SANBR: variants seen among roughly 807,000 people sequenced by gnomAD.
SANBR encodes the protein SANT and BTB domain regulator of class switch recombination.
SANBR carries 77 observed loss-of-function variants against 101.8 expected under a neutral mutation model. The ratio of observed to expected loss-of-function variants is 0.76; its 90% CI spans 0.63 to 0.91. The LOEUF (loss-of-function observed/expected upper bound fraction) is 0.91, where lower values mean the gene tolerates loss of function less well. Among genes scored for constraint, SANBR ranks in the 40% least tolerant of loss-of-function variants. The pLI is 0.00. For synonymous variants in SANBR, 279 were observed against 274.7 expected (o/e 1.02, Z -0.15); for missense variants, 875 against 853.0 (o/e 1.03, Z -0.32).
chr2:61,076,418 C>A (rs977496170), intron 5 of SANBR, among the ~76,000 whole-genome samples: 1 of 147,892 alleles, frequency 6.8e-6, no homozygotes, highest in Non-Finnish European at 1.5e-5. Flanking sequence ...AAGATTGAGA[C>A]CATCCTGGCT....
intron 6 of SANBR, among the ~76,000 whole-genome samples, chr2:61,078,510 C>T (rs1476770185): frequency 6.6e-6 from 1 of 152,034 alleles, no homozygotes; most frequent in Non-Finnish European, 1.5e-5. Flanking sequence ...CAACCTCTGC[C>T]TCCCGGGTTC....
chr2:61,113,849 C>T (rs572501665), intron 16 of SANBR, among the ~76,000 whole-genome samples: 16 of 152,272 alleles, frequency 1.1e-4, no homozygotes, highest in South Asian at 4.1e-4. Context: ...AGTCTTTAAT[C>T]GTTAAGTATG....
At position 61,122,839 on chromosome 2, in the gene SANBR, T is replaced by A; in HGVS notation, c.*677T>A. The A allele has an allele frequency of 1.0e-6, 1 of 985,368 alleles. No homozygotes were observed. The highest frequency in any genetic ancestry group is 1.2e-6 in the Non-Finnish European group (1 of 829,728). 61.0% of individuals were successfully genotyped at this position (985,368 alleles called of 1,614,324 possible). ...GATCATCTGAGCTGGAATTACTGATTATTACTCTGTCCTCTGTGAAACTAG... is the reference window on the plus strand; with the variant it reads ...GATCATCTGAGCTGGAATTACTGATAATTACTCTGTCCTCTGTGAAACTAG... On this transcript the variant is annotated 3_prime_UTR_variant, in exon 22 of 22. Coordinates refer to ENST00000402291, the MANE Select transcript of SANBR (RefSeq NM_001129993.3).
At chr2:61,093,218 T>G (rs1036990924) in intron 11 of SANBR, 2 of 152,254 alleles carry the variant, frequency 1.3e-5, no homozygotes, top group African/African-American at 4.8e-5. Context: ...GCATCTGGTT[T>G]CATTTCTCTT....
intron 21 of SANBR, among the ~76,000 whole-genome samples, chr2:61,137,019 G>A (rs2049747): frequency 0.36 from 54,912 of 151,202 alleles, 10,267 homozygotes; most frequent in Non-Finnish European, 0.42. Flanking sequence ...TAATAATGAG[G>A]CTCACACCTG....
chr2:61,096,540 A>T (rs1573627819), intron 11 of SANBR, among the ~76,000 whole-genome samples: 1 of 152,260 alleles, frequency 6.6e-6, no homozygotes, highest in East Asian at 1.9e-4. Context: ...ACCTGTGTCC[A>T]CTGAAACTCC....
At chr2:61,120,127 A>C (rs917608737) in intron 20 of SANBR, among the ~76,000 whole-genome samples, 1 of 152,260 alleles carries the variant, frequency 6.6e-6, no homozygotes, top group African/African-American at 2.4e-5. Flanking sequence ...TTTTTATAAT[A>C]GCTTTATTCA....
rs1683664981 is a variant in SANBR, at chr2:61,108,199, G to T, written c.1612-118G>T. 1.1e-5 allele frequency: 6 copies of T among 532,516 alleles called. No individual in the cohort carries two copies. In the East Asian group the frequency reaches 2.0e-4, roughly 17 times the overall value. The allele number at this position is 532,516 out of a possible 1,614,324, so 33.0% of individuals were successfully genotyped here. A position where few individuals can be genotyped will look rare whatever the true frequency, so the allele number is the denominator to read the frequency against. On this transcript the variant is annotated intron_variant, in intron 14 of 21. Transcript: ENST00000402291. Reference sequence around the variant, plus strand: ...AGCCTGAGTTTTAAATTATGTTTCAGCCTGGAAGGGAACTATATTTGTAAC... The same window carrying T: ...AGCCTGAGTTTTAAATTATGTTTCATCCTGGAAGGGAACTATATTTGTAAC...
At chr2:61,101,278 T>C (rs1308583970) in intron 12 of SANBR, among the ~76,000 whole-genome samples, 3 of 152,238 alleles carry the variant, frequency 2.0e-5, no homozygotes, top group Admixed American at 6.5e-5. Context: ...ACATGATTTT[T>C]TAGTCTTTAC....
At chr2:61,074,260 T>G (rs1046822854) in intron 5 of SANBR, among the ~76,000 whole-genome samples, 3 of 152,266 alleles carry the variant, frequency 2.0e-5, no homozygotes, top group Non-Finnish European at 4.4e-5. Flanking sequence ...ATGATTGTGC[T>G]GATTGCACAA....
chr2:61,072,628 G>T (rs1202574609), intron 4 of SANBR, among the ~76,000 whole-genome samples: 1 of 151,142 alleles, frequency 6.6e-6, no homozygotes. Context: ...TAAAATATAG[G>T]TCAAATACAA....
intron 13 of SANBR, among the ~76,000 whole-genome samples, chr2:61,105,730 G>T (rs1219568409): frequency 6.6e-6 from 1 of 150,914 alleles, no homozygotes. Context: ...GGAGTGCAGT[G>T]GTGCGATCTC....
intron 20 of SANBR, among the ~76,000 whole-genome samples, chr2:61,119,184 A>G (rs1684222054): frequency 6.6e-6 from 1 of 152,216 alleles, no homozygotes; most frequent in Non-Finnish European, 1.5e-5. Flanking sequence ...ATTACATTTT[A>G]GTCATGACAT....
At chr2:61,086,006 A>C (rs1442401045) in intron 8 of SANBR, among the ~76,000 whole-genome samples, 1 of 152,182 alleles carries the variant, frequency 6.6e-6, no homozygotes, top group Non-Finnish European at 1.5e-5. Context: ...GGATTCATGT[A>C]ATCTGTAGAT....
chr2:61,103,272 G>A (rs1197017575), intron 12 of SANBR, among the ~76,000 whole-genome samples: 2 of 151,456 alleles, frequency 1.3e-5, no homozygotes, highest in African/African-American at 2.4e-5. Context: ...GAGGTAGCTG[G>A]GACTGGAGGC....
intron 6 of SANBR, among the ~76,000 whole-genome samples, chr2:61,080,480 T>C (rs1404075882): frequency 6.6e-6 from 1 of 152,138 alleles, no homozygotes; most frequent in African/African-American, 2.4e-5. Flanking sequence ...CCCAGCACTT[T>C]GGGAGGCCAA....
intron 6 of SANBR, among the ~76,000 whole-genome samples, chr2:61,078,154 C>T (rs1392422563): frequency 2.0e-5 from 3 of 152,118 alleles, no homozygotes; most frequent in Admixed American, 1.3e-4. Context: ...TTCCAAATGA[C>T]CAATACATTT....
In SANBR at chr2:61,117,497, C is replaced by T. The variant is rs1315135506; in HGVS notation, c.1896C>T (p.Ala632=). 5 of 1,613,656 alleles carry T rather than the reference C, an allele frequency of 3.1e-6. No individual in the cohort carries two copies. The highest frequency in any genetic ancestry group is 2.2e-5 in the East Asian group (1 of 44,852). Residue 632 remains alanine, a synonymous_variant, in exon 19 of 22, where the codon GCC becomes GCT. Transcript: ENST00000402291. ...GTATGCAGAAGAATAAGTGGGATGC[C>T]ACAAGATCCTTGAGATTCAACCAGG... ...VMSMQKNKWD[A]TRSLRFNQDA... is the part of the protein sequence containing the mutation.
At chr2:61,113,193 T>C (rs574792193) in intron 16 of SANBR, among the ~76,000 whole-genome samples, 4 of 152,378 alleles carry the variant, frequency 2.6e-5, no homozygotes, top group Admixed American at 6.5e-5. Context: ...TGTCTTTCTT[T>C]ACATCAGCAT....
Sources: allele counts gnomAD v4.1 joint callset (sites outside exome capture counted in the v4.1 genomes callset), GRCh38; gene constraint gnomAD v4.1.1; transcripts MANE v1.5; gene names NCBI Gene and HGNC (gene_info 2026-07-23, HGNC 2026-07-21).